GAPVD1: variants seen among roughly 807,000 people sequenced by gnomAD.
The protein encoded by GAPVD1 is GTPase activating protein and VPS9 domains 1.
A neutral mutation model predicts 155.5 loss-of-function variants in GAPVD1; 35 were observed. The ratio of observed to expected loss-of-function variants is 0.23; its 90% CI spans 0.17 to 0.30. GAPVD1 has a LOEUF of 0.30. GAPVD1 is among the 10% of genes least tolerant of loss of function. The pLI, the probability that GAPVD1 is intolerant of heterozygous loss-of-function variation, is 1.00. For synonymous variants in GAPVD1, 636 were observed against 619.7 expected (o/e 1.03, Z -0.39); for missense variants, 1,429 against 1,775.7 (o/e 0.80, Z 3.51).
intron 21 of GAPVD1, 26 bp from the exon 22 acceptor site, chr9:125,350,269 T>TA: frequency 7.8e-7 from 1 of 1,286,434 alleles, no homozygotes; most frequent in African/African-American, 1.5e-5. Flanking sequence ...ATAAAGAAAT[T>TA]AATGTATTTT....
chr9:125,353,756 G>C (rs1470079404), intron 23 of GAPVD1, among the ~76,000 whole-genome samples: 1 of 152,160 alleles, frequency 6.6e-6, no homozygotes, highest in African/African-American at 2.4e-5. Flanking sequence ...TTGAGACTTA[G>C]TATCACGAGA....
At chr9:125,276,557 T>C (rs903923212) in intron 2 of GAPVD1, among the ~76,000 whole-genome samples, 2 of 152,058 alleles carry the variant, frequency 1.3e-5, no homozygotes, top group African/African-American at 4.8e-5. Context: ...AGCGTGATGG[T>C]GTACGCCTGT....
chr9:125,343,098 C>T (rs1043581611), intron 19 of GAPVD1, among the ~76,000 whole-genome samples: 2 of 152,166 alleles, frequency 1.3e-5, no homozygotes, highest in South Asian at 2.1e-4. Context: ...ACCCACGGAC[C>T]GCAGACCACA....
chr9:125,304,985 C>T lies in GAPVD1; in HGVS notation c.1030-78C>T, dbSNP rs1042773308. The T allele has an allele frequency of 2.8e-5, 25 of 903,400 alleles. No individual in the cohort carries two copies. In the East Asian group the frequency reaches 3.6e-4, roughly 13 times the overall value. 56.0% of individuals were successfully genotyped at this position (903,400 alleles called of 1,614,324 possible). A position where few individuals can be genotyped will look rare whatever the true frequency, so the allele number is the denominator to read the frequency against. On this transcript the variant is annotated intron_variant, in intron 5 of 27. Transcript: ENST00000297933. The stretch of plus-strand genomic sequence containing the variant: ...AAACAGATTTTTAGAACAGAATAGA[C>T]GTGCTTGCTTTCATAGAGACGTATT...
rs1850755877 is a variant in GAPVD1 at position 125,360,517 on chromosome 9, G to A, written c.4045-11G>A. 1.9e-6 allele frequency: 3 copies of A among 1,609,690 alleles called. No homozygotes were observed. The highest frequency in any genetic ancestry group is 2.2e-5 in the East Asian group (1 of 44,834). ...ATTCAGAATCTGTATATTGTCTATG[G>A]TCTCACTTAGGTTTATCTTCGAGAA... On this transcript the variant is annotated splice_polypyrimidine_tract_variant and intron_variant, in intron 26 of 27. Transcript: ENST00000297933.
rs191355095 is a variant in GAPVD1 at position 125,286,312 on chromosome 9, T to A, written c.-149-9146T>A. 1.7e-3 allele frequency among the ~76,000 whole-genome samples: 261 copies of A among 152,236 alleles called. 1 individual carries two copies. Among genetic ancestry groups the A allele is most frequent in the African/African-American group, 5.9e-3 (244 of 41,546 alleles). On this transcript the variant is annotated intron_variant, in intron 2 of 27. Coordinates refer to ENST00000297933, the MANE Select transcript of GAPVD1 (RefSeq NM_001282680.3). ...TATTGTTGTTGTTTTCTTTGTTTTT[T>A]ATTTATTTTTTGATAGAGATGGAGT...
intron 6 of GAPVD1, among the ~76,000 whole-genome samples, chr9:125,305,604 C>T (rs920400363): frequency 3.3e-5 from 5 of 152,036 alleles, no homozygotes; most frequent in East Asian, 1.9e-4. Context: ...CTCATGGCCT[C>T]GTGATCCACC....
At chr9:125,300,724 G>A (rs1840727537) in intron 4 of GAPVD1, among the ~76,000 whole-genome samples, 2 of 151,902 alleles carry the variant, frequency 1.3e-5, no homozygotes, top group Admixed American at 1.3e-4. Flanking sequence ...GGTGATTACT[G>A]GGTGCATGTA....
At chr9:125,331,640 A>G (rs935939730) in intron 13 of GAPVD1, among the ~76,000 whole-genome samples, 1 of 152,178 alleles carries the variant, frequency 6.6e-6, no homozygotes, top group African/African-American at 2.4e-5. Context: ...AGGCTATTCC[A>G]TACTCTCTTG....
At chr9:125,283,070 T>TTATTTATTTATG (rs1554753106) in intron 2 of GAPVD1, among the ~76,000 whole-genome samples, 17 of 150,090 alleles carry the variant, frequency 1.1e-4, no homozygotes, top group African/African-American at 4.2e-4. Flanking sequence ...ATTTATTTAT[T>TTATTTATTTATG]TATGTTTGAG....
intron 2 of GAPVD1, among the ~76,000 whole-genome samples, chr9:125,290,740 G>T (rs965197524): frequency 6.6e-6 from 1 of 152,114 alleles, no homozygotes; most frequent in African/African-American, 2.4e-5. Flanking sequence ...AGACATGGTG[G>T]CTCACACTTG....
chr9:125,288,624 G>A (rs144588505), intron 2 of GAPVD1, among the ~76,000 whole-genome samples: 186 of 152,016 alleles, frequency 1.2e-3, no homozygotes, highest in African/African-American at 4.1e-3. Context: ...TGATCCTCCC[G>A]CCTCAACTTC....
chr9:125,268,489 A>C (rs1178994082), intron 1 of GAPVD1, among the ~76,000 whole-genome samples: 3 of 149,390 alleles, frequency 2.0e-5, no homozygotes, highest in East Asian at 1.9e-4. Context: ...AATTACCCCT[A>C]ACATTGTTTT....
intron 1 of GAPVD1, among the ~76,000 whole-genome samples, chr9:125,265,466 A>G (rs959152674): frequency 2.4e-4 from 37 of 151,558 alleles, no homozygotes; most frequent in African/African-American, 9.0e-4. Context: ...GCTGGAGTGC[A>G]GTGGTGTAAT....
intron 2 of GAPVD1, among the ~76,000 whole-genome samples, chr9:125,274,315 G>T (rs899292117): frequency 2.0e-5 from 3 of 151,800 alleles, no homozygotes; most frequent in Non-Finnish European, 4.4e-5. Context: ...ACTATCCTGG[G>T]CCTGTTCTTT....
At chr9:125,300,013 T>C (rs1175591786) in intron 4 of GAPVD1, among the ~76,000 whole-genome samples, 8 of 47,134 alleles carry the variant, frequency 1.7e-4, no homozygotes, top group Non-Finnish European at 2.6e-4. Flanking sequence ...AGTGAGACTC[T>C]GTCTCAAAAG....
Position 125,337,386 on chromosome 9 carries a change from A to AT in GAPVD1, c.2674dup (p.Ser892PhefsTer4). 6.2e-7 allele frequency: 1 copy of AT among 1,614,170 alleles called. No individual in the cohort carries two copies. The highest frequency in any genetic ancestry group is 8.5e-7 in the Non-Finnish European group (1 of 1,180,012). ...GAAATGGAGGCATTCAAGCAAAGGC[A>AT]TTCTTACCCTGAGAGACTAGTTCGA... On this transcript the variant is annotated frameshift_variant, in exon 17 of 28. Coordinates refer to ENST00000297933, the MANE Select transcript of GAPVD1 (RefSeq NM_001282680.3). LOFTEE classifies it high-confidence loss of function.
intron 11 of GAPVD1, among the ~76,000 whole-genome samples, chr9:125,324,143 A>C (rs1227518038): frequency 6.6e-6 from 1 of 152,164 alleles, no homozygotes; most frequent in Non-Finnish European, 1.5e-5. Context: ...AAATTCAGTA[A>C]TATTTGATAT....
At chr9:125,318,934 G>C (rs1259488118) in intron 9 of GAPVD1, among the ~76,000 whole-genome samples, 1 of 152,022 alleles carries the variant, frequency 6.6e-6, no homozygotes, top group Non-Finnish European at 1.5e-5. Flanking sequence ...CCAGAACTTT[G>C]GGAGGCCGAA....
Sources: gnomAD v4.1 joint callset for allele counts (sites outside exome capture counted in the v4.1 genomes callset) on GRCh38, gnomAD v4.1.1 for gene constraint, MANE v1.5 for transcripts, NCBI Gene and HGNC (gene_info 2026-07-23, HGNC 2026-07-21) for gene names.